The following ZFYVE16 variants were observed in gnomAD, a reference collection of about 807,000 sequenced individuals.
ZFYVE16 encodes zinc finger FYVE domain-containing protein 16.
Under a neutral mutation model 138.1 loss-of-function variants are expected in ZFYVE16, and 89 were observed. The observed-to-expected ratio is 0.64, with a 90% CI of 0.54 to 0.77. The LOEUF is 0.77. Ranked by LOEUF, ZFYVE16 falls within the 30% of genes least tolerant of loss-of-function variation. The pLI, the probability that ZFYVE16 is intolerant of heterozygous loss-of-function variation, is 0.00. For synonymous variants in ZFYVE16, 596 were observed against 618.3 expected (o/e 0.96, Z 0.53); for missense variants, 1,793 against 1,786.7 (o/e 1.00, Z -0.06).
In ZFYVE16 at chr5:80,470,064, C is replaced by CGTGTGTGTGTGT. The variant is rs369109701; in HGVS notation, c.4025-2672_4025-2661dup. On this transcript the variant is annotated intron_variant, in intron 15 of 18. Transcript: ENST00000505560. ...ATATATGTGTGTGTGTGTATATATA[C>CGTGTGTGTGTGT]GTGTGTGTGTGTGTGTGTGTGTGTG... Among the ~76,000 whole-genome samples, 251 of 59,498 alleles carry CGTGTGTGTGTGT rather than the reference C, an allele frequency of 4.2e-3. 1 individual carries two copies. Among genetic ancestry groups the CGTGTGTGTGTGT allele is most frequent in the African/African-American group, 9.8e-3 (209 of 21,368 alleles). 39.0% of individuals were successfully genotyped at this position (59,498 alleles called of 152,430 possible). A position where few individuals can be genotyped will look rare whatever the true frequency, so the allele number is the denominator to read the frequency against.
chr5:80,445,514 C>A, intron 7 of ZFYVE16, 109 bp downstream of exon 7: 2 of 987,116 alleles, frequency 2.0e-6, no homozygotes, highest in South Asian at 1.7e-5. Flanking sequence ...CTTTGAGCTT[C>A]CTAAAATAAG....
At chr5:80,419,483 T>C (rs1746761935) in intron 1 of ZFYVE16, among the ~76,000 whole-genome samples, 1 of 152,254 alleles carries the variant, frequency 6.6e-6, no homozygotes, top group Admixed American at 6.5e-5. Flanking sequence ...AATTAGGTAG[T>C]GTGAGTCCTC....
At chr5:80,444,793 A>G (rs1017630435) in intron 6 of ZFYVE16, among the ~76,000 whole-genome samples, 13 of 151,868 alleles carry the variant, frequency 8.6e-5, no homozygotes, top group Non-Finnish European at 1.5e-4. Flanking sequence ...TAAGCAATAT[A>G]TATATATGCT....
At position 80,478,001 on chromosome 5, in the gene ZFYVE16, T is replaced by C. The variant is rs1374263665; in HGVS notation, c.*624T>C. The C allele has an allele frequency of 6.6e-6, 1 of 152,166 alleles. No homozygotes were observed. Among genetic ancestry groups the C allele is most frequent in the African/African-American group, 2.4e-5 (1 of 41,468 alleles). The allele number at this position is 152,166 out of a possible 1,614,324, so 9.4% of individuals were successfully genotyped here. A position where few individuals can be genotyped will look rare whatever the true frequency, so the allele number is the denominator to read the frequency against. On this transcript the variant is annotated 3_prime_UTR_variant, in exon 19 of 19. Transcript: ENST00000505560. ...TATGTATGTATTATATATCCACATA[T>C]ATAGTTTTCCCTGATTAAATGGATA... is the stretch of plus-strand genomic sequence containing the variant.
intron 1 of ZFYVE16, among the ~76,000 whole-genome samples, chr5:80,426,667 A>G (rs1366054031): frequency 6.6e-6 from 1 of 152,182 alleles, no homozygotes; most frequent in Non-Finnish European, 1.5e-5. Flanking sequence ...CTATGGTGTT[A>G]TATATACCAC....
At chr5:80,432,096 T>C (rs1478702297) in intron 2 of ZFYVE16, among the ~76,000 whole-genome samples, 1 of 152,142 alleles carries the variant, frequency 6.6e-6, no homozygotes, top group Non-Finnish European at 1.5e-5. Flanking sequence ...TTAAAGTTCA[T>C]ATGGAACCAA....
chr5:80,435,237 A>G (rs79873399), intron 3 of ZFYVE16, among the ~76,000 whole-genome samples: 1 of 151,878 alleles, frequency 6.6e-6, no homozygotes, highest in Non-Finnish European at 1.5e-5. Flanking sequence ...GTTTCACCAT[A>G]TTGGCTAGGC....
At chr5:80,423,614 C>A (rs1747553580) in intron 1 of ZFYVE16, among the ~76,000 whole-genome samples, 2 of 152,228 alleles carry the variant, frequency 1.3e-5, no homozygotes, top group South Asian at 4.1e-4. Flanking sequence ...CAGCTCACTG[C>A]AAGCTCCACC....
At chr5:80,411,936 C>T (rs1362199758) in intron 1 of ZFYVE16, among the ~76,000 whole-genome samples, 1 of 152,172 alleles carries the variant, frequency 6.6e-6, no homozygotes, top group Non-Finnish European at 1.5e-5. Flanking sequence ...CAAAACTTCT[C>T]ATTATTTTGC....
intron 15 of ZFYVE16, among the ~76,000 whole-genome samples, chr5:80,469,648 G>C (rs1290187616): frequency 6.6e-6 from 1 of 152,184 alleles, no homozygotes; most frequent in Non-Finnish European, 1.5e-5. Context: ...CTGTATGTGT[G>C]TGTGTGAGTG....
chr5:80,437,663 A>T lies in ZFYVE16; in HGVS notation c.978A>T (p.Leu326Phe), dbSNP rs774660075. The T allele has an allele frequency of 6.2e-7, 1 of 1,611,650 alleles. No individual in the cohort carries two copies. The highest frequency in any genetic ancestry group is 1.7e-5 in the Admixed American group (1 of 59,164). The stretch of plus-strand genomic sequence containing the variant: ...ATTCAAGAGATGAAAATTTCAAATT[A>T]CCTGACTTTTCCTTTCAGGAAGATA... Reference protein sequence around the residue: ...DSNSRDENFKLPDFSFQEDKT... With the variant: ...DSNSRDENFKFPDFSFQEDKT... Residue 326 changes from leucine (L) to phenylalanine (F), a missense_variant, in exon 4 of 19, where the codon TTA becomes TTT. Leu to Phe is a conservative substitution (Grantham distance 22). This residue lies in a region of ZFYVE16 where 1,295 missense variants were observed against 1,204.3 expected (regional missense o/e 1.08). Coordinates refer to ENST00000505560, the MANE Select transcript of ZFYVE16 (RefSeq NM_001284236.3).
In ZFYVE16 at chr5:80,481,547, A is replaced by C. The variant is rs893417628; in HGVS notation, c.*4170A>C. On this transcript the variant is annotated 3_prime_UTR_variant, in exon 19 of 19. Transcript: ENST00000505560. Reference sequence around the variant, plus strand: ...GGCAGTGAAAACTAACATTGGAACCACAGCCACCAAAAAAAGTGGCCAGGA... The same window carrying C: ...GGCAGTGAAAACTAACATTGGAACCCCAGCCACCAAAAAAAGTGGCCAGGA... 1.3e-5 allele frequency among the ~76,000 whole-genome samples: 2 copies of C among 152,216 alleles called. No homozygotes were observed. Among genetic ancestry groups the C allele is most frequent in the African/African-American group, 4.8e-5 (2 of 41,452 alleles).
chr5:80,470,037 A>G (rs528997236), intron 15 of ZFYVE16, among the ~76,000 whole-genome samples: 11 of 146,552 alleles, frequency 7.5e-5, no homozygotes, highest in African/African-American at 2.6e-4. Context: ...ATATGTGTGT[A>G]TATATATGTG....
intron 15 of ZFYVE16, among the ~76,000 whole-genome samples, chr5:80,472,370 G>A (rs1248157234): frequency 6.6e-6 from 1 of 151,532 alleles, no homozygotes; most frequent in African/African-American, 2.4e-5. Flanking sequence ...AAGCTTACCT[G>A]AGTTCTCTGC....
chr5:80,427,317 G>A (rs1748225929), intron 1 of ZFYVE16, among the ~76,000 whole-genome samples, 175 bp from the exon 2 acceptor site: 1 of 151,970 alleles, frequency 6.6e-6, no homozygotes, highest in African/African-American at 2.4e-5. Context: ...TGAGTGGTAT[G>A]TTTTGTTTTT....
Position 80,438,492 on chromosome 5 carries a change from A to G in ZFYVE16, c.1807A>G (p.Asn603Asp), listed in dbSNP as rs1750259762. Residue 603 changes from asparagine (N) to aspartate (D), a missense_variant, in exon 4 of 19, where the codon AAT (asparagine) becomes GAT (aspartate). Physicochemically the swap from Asn to Asp is conservative, Grantham distance 23 (BLOSUM62 1). Around this residue, in one of 2 missense-constraint regions of ZFYVE16, gnomAD observed 1,295 missense variants for 1,204.3 expected, o/e 1.08. Coordinates refer to ENST00000505560, the MANE Select transcript of ZFYVE16 (RefSeq NM_001284236.3). ...AATTTGTGAAATAGTTGATAAACAA[A>G]ATACAATAGAAAATGGCCTTTCTTT... is the stretch of plus-strand genomic sequence containing the variant. ...NIICEIVDKQ[N>D]TIENGLSLGE... is the part of the protein sequence containing the mutation. The G allele has an allele frequency of 1.2e-6, 2 of 1,613,562 alleles. No individual in the cohort carries two copies. The highest frequency in any genetic ancestry group is 1.7e-6 in the Non-Finnish European group (2 of 1,179,838).
intron 2 of ZFYVE16, among the ~76,000 whole-genome samples, chr5:80,428,237 G>A (rs1293052722): frequency 2.6e-5 from 4 of 152,204 alleles, no homozygotes; most frequent in African/African-American, 4.8e-5. Flanking sequence ...TCACATGGCC[G>A]GGTACCCCTC....
chr5:80,425,289 C>G (rs1273990631), intron 1 of ZFYVE16, among the ~76,000 whole-genome samples: 2 of 152,156 alleles, frequency 1.3e-5, no homozygotes, highest in African/African-American at 4.8e-5. Flanking sequence ...ATTCAGTTCT[C>G]TCTTAAGCTC....
intron 1 of ZFYVE16, among the ~76,000 whole-genome samples, chr5:80,420,263 C>T (rs957555506): frequency 3.3e-5 from 5 of 151,950 alleles, no homozygotes; most frequent in Admixed American, 6.6e-5. Flanking sequence ...TGTACCACCA[C>T]GCCCAGCTAA....
Sources: allele counts gnomAD v4.1 joint callset (sites outside exome capture counted in the v4.1 genomes callset), GRCh38; gene constraint gnomAD v4.1.1; regional missense constraint gnomAD v4.1.1; transcripts MANE v1.5; gene names NCBI Gene and HGNC (gene_info 2026-07-23, HGNC 2026-07-21).